NOS1: variants seen among roughly 807,000 people sequenced by gnomAD.
NOS1 encodes the protein nitric oxide synthase 1.
NOS1 carries 51 observed loss-of-function variants against 164.5 expected under a neutral mutation model. That is an observed-to-expected ratio of 0.31 (90% CI 0.25 to 0.39). The LOEUF (loss-of-function observed/expected upper bound fraction) is 0.39, where lower values mean the gene tolerates loss of function less well. Ranked by LOEUF, NOS1 falls within the 10% of genes least tolerant of loss-of-function variation. NOS1 has a pLI of 1.00. For synonymous variants in NOS1, 719 were observed against 745.8 expected, an observed-to-expected ratio of 0.96 and a Z score of 0.59; for missense variants, 1,362 against 1,885.6, an observed-to-expected ratio of 0.72 and a Z score of 5.14.
At position 117,215,202 on chromosome 12, in the gene NOS1, A is replaced by T; in HGVS notation, c.*107T>A. ...CGAGGAGGGAAACCAGGGCACAGCGACAAGGACAGGAGGCAGAGCGAGGGC... is the reference window on the plus strand; with the variant it reads ...CGAGGAGGGAAACCAGGGCACAGCGTCAAGGACAGGAGGCAGAGCGAGGGC... On this transcript the variant is annotated 3_prime_UTR_variant, in exon 29 of 29. Transcript: ENST00000317775. 7.4e-7 allele frequency: 1 copy of T among 1,357,592 alleles called. No homozygotes were observed. The highest frequency in any genetic ancestry group is 2.7e-5 in the East Asian group (1 of 37,120). 84.1% of individuals were successfully genotyped at this position (1,357,592 alleles called of 1,614,324 possible). A position where few individuals can be genotyped will look rare whatever the true frequency, so the allele number is the denominator to read the frequency against.
chr12:117,246,943 G>A (rs560652744), intron 18 of NOS1, among the ~76,000 whole-genome samples: 1 of 152,238 alleles, frequency 6.6e-6, no homozygotes, highest in African/African-American at 2.4e-5. Flanking sequence ...TACCATATTG[G>A]TTAGTGAAGA....
At chr12:117,350,305 G>T (rs552807611) in intron 1 of NOS1, among the ~76,000 whole-genome samples, 1 of 152,104 alleles carries the variant, frequency 6.6e-6, no homozygotes, top group Non-Finnish European at 1.5e-5. Context: ...ACGTGCTCAC[G>T]GACAATGCAG....
At chr12:117,327,305 G>T (rs1250439167) in intron 2 of NOS1, among the ~76,000 whole-genome samples, 1 of 152,224 alleles carries the variant, frequency 6.6e-6, no homozygotes, top group Non-Finnish European at 1.5e-5. Flanking sequence ...GGAGGCAGAG[G>T]TGGTGCTTGG....
rs1241941856 is a variant in NOS1, at chr12:117,330,906, C to G, written c.164G>C (p.Ser55Thr). ...GATGTCTCCGGCCTGGATGAGGCCA[C>G]TCTGCTCTGCGGCGCCCCCACGAAT... ...DLIRGGAAEQSGLIQAGDIIL... is the reference protein window; with the variant it reads ...DLIRGGAAEQTGLIQAGDIIL... The change falls in exon 2 of 29, where the codon AGT becomes ACT. Residue 55 changes from serine (S) to threonine (T), a missense_variant. By Grantham distance (58) the Ser-to-Thr change is moderately conservative. Transcript: ENST00000317775. The surrounding 1 kb of genome is among the most constrained non-coding windows in gnomAD (Gnocchi z 4.6). The G allele has an allele frequency of 1.2e-6, 2 of 1,614,160 alleles. No individual in the cohort carries two copies.
At chr12:117,351,374 C>T (rs1431306215) in intron 1 of NOS1, among the ~76,000 whole-genome samples, 5 of 152,208 alleles carry the variant, frequency 3.3e-5, no homozygotes, top group Admixed American at 2.6e-4. Context: ...TCGCTTCCCC[C>T]TGCTCCTTCA....
chr12:117,337,633 G>C (rs1008085495), intron 1 of NOS1, among the ~76,000 whole-genome samples: 2 of 152,144 alleles, frequency 1.3e-5, no homozygotes, highest in Admixed American at 1.3e-4. Flanking sequence ...GACAAAGAGG[G>C]TTTGCAAATA....
chr12:117,248,112 T>C (rs1870786211), intron 17 of NOS1, among the ~76,000 whole-genome samples: 1 of 151,916 alleles, frequency 6.6e-6, no homozygotes, highest in Non-Finnish European at 1.5e-5. Flanking sequence ...GAGACCTCAC[T>C]AGAAAGCAAC....
chr12:117,307,990 C>G (rs945999457), intron 3 of NOS1, among the ~76,000 whole-genome samples: 9 of 127,752 alleles, frequency 7.0e-5, no homozygotes, highest in Non-Finnish European at 1.5e-4. Flanking sequence ...CTCTGTCTCA[C>G]AATAAATAAT....
At position 117,288,015 on chromosome 12, in the gene NOS1, T is replaced by C. The variant is rs561351307; in HGVS notation, c.1127+59A>G. Reference sequence around the variant, plus strand: ...TTGGTTTGCAAAGTTGGGGCTGACATCTTTCTCTCCAGCATTCGATAACTT... The same window carrying C: ...TTGGTTTGCAAAGTTGGGGCTGACACCTTTCTCTCCAGCATTCGATAACTT... On this transcript the variant is annotated intron_variant, in intron 5 of 28. Transcript: ENST00000317775. The C allele has an allele frequency of 6.9e-6, 11 of 1,602,466 alleles. No homozygotes were observed. In the African/African-American group the frequency reaches 1.2e-4, roughly 18 times the overall value.
chr12:117,339,043 C>T (rs1239628309), intron 1 of NOS1, among the ~76,000 whole-genome samples: 2 of 152,140 alleles, frequency 1.3e-5, no homozygotes, highest in Non-Finnish European at 2.9e-5. Context: ...GCAAAACCAC[C>T]AGCTTCTTTA....
At chr12:117,292,994 G>C (rs951403586) in intron 3 of NOS1, among the ~76,000 whole-genome samples, 1 of 152,198 alleles carries the variant, frequency 6.6e-6, no homozygotes, top group African/African-American at 2.4e-5. Flanking sequence ...GTCAAGACCA[G>C]AAGATGAGTA....
rs932387466 is a variant in NOS1, at chr12:117,209,962, C to T, written c.*5347G>A. On this transcript the variant is annotated 3_prime_UTR_variant, in exon 29 of 29. Transcript: ENST00000317775. ...CAGACCTGTGTTTCCTTAATCCCAG[C>T]ACCTGGTCTTTCATTTTAATTTTTT... is the stretch of plus-strand genomic sequence containing the variant. 24 of 985,294 alleles carry T rather than the reference C, an allele frequency of 2.4e-5. No homozygotes were observed. Among genetic ancestry groups the T allele is most frequent in the Non-Finnish European group, 2.9e-5 (24 of 830,030 alleles). 61.0% of individuals were successfully genotyped at this position (985,294 alleles called of 1,614,324 possible). A position where few individuals can be genotyped will look rare whatever the true frequency, so the allele number is the denominator to read the frequency against.
intron 2 of NOS1, among the ~76,000 whole-genome samples, chr12:117,327,013 G>T (rs1875286077): frequency 1.3e-5 from 2 of 152,160 alleles, no homozygotes; most frequent in South Asian, 4.1e-4. Context: ...TCTCCACATC[G>T]CATACAGAGA....
In NOS1 at chr12:117,209,984, T is replaced by G. The variant is rs1592912264; in HGVS notation, c.*5325A>C. On this transcript the variant is annotated 3_prime_UTR_variant, in exon 29 of 29. Coordinates refer to ENST00000317775, the MANE Select transcript of NOS1 (RefSeq NM_000620.5). ...CAGCACCTGGTCTTTCATTTTAATT[T>G]TTTTTAGAGACAGGGTCTTGCTCTG... 1.0e-6 allele frequency: 1 copy of G among 985,384 alleles called. No individual in the cohort carries two copies. Among genetic ancestry groups the G allele is most frequent in the Non-Finnish European group, 1.2e-6 (1 of 829,962 alleles). 61.0% of individuals were successfully genotyped at this position (985,384 alleles called of 1,614,324 possible).
chr12:117,316,456 T>C (rs1258201691), intron 2 of NOS1, among the ~76,000 whole-genome samples: 6 of 152,196 alleles, frequency 3.9e-5, no homozygotes, highest in Admixed American at 2.0e-4. Context: ...TGCTCTTTCA[T>C]GTTCCCTCTG....
At chr12:117,297,023 C>T (rs898123710) in intron 3 of NOS1, among the ~76,000 whole-genome samples, 1 of 152,316 alleles carries the variant, frequency 6.6e-6, no homozygotes, top group East Asian at 1.9e-4. Context: ...AGGCAATGGT[C>T]CTTTGTGATT....
chr12:117,266,494 G>C (rs1246853274), intron 11 of NOS1, among the ~76,000 whole-genome samples: 4 of 151,798 alleles, frequency 2.6e-5, no homozygotes, highest in Admixed American at 1.3e-4. Context: ...ACATGTGTGT[G>C]CAAGTATCTT....
chr12:117,258,607 T>G (rs1336944151), intron 15 of NOS1, 152 bp from the exon 16 acceptor site: 1 of 756,924 alleles, frequency 1.3e-6, no homozygotes, highest in Non-Finnish European at 2.3e-6. Flanking sequence ...GGCTGGACAG[T>G]AATGCCTGGG....
intron 1 of NOS1, among the ~76,000 whole-genome samples, chr12:117,344,638 T>C (rs374131258): frequency 9.9e-5 from 15 of 152,238 alleles, no homozygotes; most frequent in East Asian, 7.7e-4. Context: ...CTATATATTT[T>C]TAGCTCAATT....
Sources: gnomAD v4.1 joint callset for allele counts (sites outside exome capture counted in the v4.1 genomes callset) on GRCh38, gnomAD v4.1.1 for gene constraint, Gnocchi (gnomAD v3.1) non-coding constraint, MANE v1.5 for transcripts, NCBI Gene and HGNC (gene_info 2026-07-23, HGNC 2026-07-21) for gene names.